The following RLBP1 variants were observed in gnomAD, a reference collection of about 807,000 sequenced individuals.
RLBP1 encodes the protein retinaldehyde binding protein 1.
A neutral mutation model predicts 36.2 loss-of-function variants in RLBP1; 26 were observed. The observed-to-expected ratio is 0.72, with a 90% CI of 0.53 to 1.00. The LOEUF (loss-of-function observed/expected upper bound fraction) is 1.00. Among genes scored for constraint, RLBP1 ranks in the 50% least tolerant of loss-of-function variants. The pLI is 0.00. For missense variants in RLBP1, 410 were observed against 402.4 expected (o/e 1.02, Z -0.16); for synonymous variants, 155 against 156.2 (o/e 0.99, Z 0.06).
chr15:89,210,090 T>A lies in RLBP1; in HGVS notation c.*195A>T. ...AAATATAACTATCCCCAGTTCTTCT[T>A]GTTCAAGGGAATTCCCCCTCCTTTA... On this transcript the variant is annotated 3_prime_UTR_variant, in exon 9 of 9. Transcript: ENST00000268125. This position sits in a 1 kb window ranked among gnomAD's most constrained non-coding sequence, Gnocchi z 4.7. 1 of 623,918 alleles carries A rather than the reference T, an allele frequency of 1.6e-6. No homozygotes were observed. The highest frequency in any genetic ancestry group is 1.9e-5 in the South Asian group (1 of 53,412). The allele number at this position is 623,918 out of a possible 1,614,324, so 38.6% of individuals were successfully genotyped here. A position where few individuals can be genotyped will look rare whatever the true frequency, so the allele number is the denominator to read the frequency against.
chr15:89,211,505 G>T lies in RLBP1; in HGVS notation c.684+238C>A, dbSNP rs989065182. On this transcript the variant is annotated intron_variant, in intron 7 of 8. Transcript: ENST00000268125. The surrounding 1 kb of genome is among the most constrained non-coding windows in gnomAD (Gnocchi z 5.8). ...GCCTTCGTTTCCAGGTTTGAAAAAT[G>T]AAGCAGGGAAGGAGGGAGAGAATGC... is the stretch of plus-strand genomic sequence containing the variant. Among the ~76,000 whole-genome samples, 4 of 152,224 alleles carry T rather than the reference G, an allele frequency of 2.6e-5. No homozygotes were observed. The highest frequency in any genetic ancestry group is 5.9e-5 in the Non-Finnish European group (4 of 68,050).
At chr15:89,220,414 C>T (rs1452488314) in intron 1 of RLBP1, among the ~76,000 whole-genome samples, 1 of 152,182 alleles carries the variant, frequency 6.6e-6, no homozygotes, top group Admixed American at 6.5e-5. Flanking sequence ...GCACAGTGTC[C>T]TGTTCTAAAG....
intron 6 of RLBP1, among the ~76,000 whole-genome samples, 161 bp from the exon 7 acceptor site, chr15:89,212,062 A>G (rs1010266186): frequency 8.5e-5 from 13 of 152,206 alleles, no homozygotes; most frequent in Admixed American, 6.5e-5. Flanking sequence ...CAAGAAAACA[A>G]GTTCAAATGT....
chr15:89,214,364 G>C lies in RLBP1; in HGVS notation c.525+696C>G, dbSNP rs1181323067. 6.6e-6 allele frequency among the ~76,000 whole-genome samples: 1 copy of C among 152,198 alleles called. No homozygotes were observed. Among genetic ancestry groups the C allele is most frequent in the Non-Finnish European group, 1.5e-5 (1 of 68,040 alleles). Reference sequence around the variant, plus strand: ...TAATCCCAGCTACTTGGAAGGCTGAGGCTTGAGGATCGCTCGAACCCAGGA... The same window carrying C: ...TAATCCCAGCTACTTGGAAGGCTGACGCTTGAGGATCGCTCGAACCCAGGA... On this transcript the variant is annotated intron_variant, in intron 6 of 8. Transcript: ENST00000268125. The surrounding 1 kb of genome is among the most constrained non-coding windows in gnomAD (Gnocchi z 4.6).
At position 89,217,134 on chromosome 15, in the gene RLBP1, T is replaced by C. The variant is rs1022631788; in HGVS notation, c.332A>G (p.Tyr111Cys). 4 of 1,613,996 alleles carry C rather than the reference T, an allele frequency of 2.5e-6. No homozygotes were observed. Among genetic ancestry groups the C allele is most frequent in the Non-Finnish European group, 3.4e-6 (4 of 1,179,968 alleles). ...RARKFNVGRA[Y>C]ELLRGYVNFR... ...ACTGGCCTCACCTCTGAGCAGCTCA[T>C]AGGCACGGCCCACGTTGAACTTCCG... The change falls in exon 5 of 9, where the codon TAT becomes TGT. Residue 111 changes from tyrosine (Y) to cysteine (C), a missense_variant. By Grantham distance (194) the Tyr-to-Cys change is radical. Coordinates refer to ENST00000268125, the MANE Select transcript of RLBP1 (RefSeq NM_000326.5).
At chr15:89,216,461 T>TA (rs1252139345) in intron 5 of RLBP1, among the ~76,000 whole-genome samples, 2 of 152,244 alleles carry the variant, frequency 1.3e-5, no homozygotes, top group Admixed American at 1.3e-4. Context: ...TAGCTGAGAT[T>TA]ACAGGCATGC....
chr15:89,210,919 A>G lies in RLBP1; in HGVS notation c.685-110T>C, dbSNP rs2051532818. ...GCATAGAACAGACTTGTCCAGCATC[A>G]CAGGGCTGCCCTGGAGAAGGGCCCA... On this transcript the variant is annotated intron_variant, in intron 7 of 8. Transcript: ENST00000268125. This position sits in a 1 kb window ranked among gnomAD's most constrained non-coding sequence, Gnocchi z 4.7. 2.4e-5 allele frequency: 18 copies of G among 747,764 alleles called. No homozygotes were observed. In the South Asian group the frequency reaches 2.8e-4, roughly 12 times the overall value. 46.3% of individuals were successfully genotyped at this position (747,764 alleles called of 1,614,324 possible).
chr15:89,219,147 A>T, intron 2 of RLBP1, 72 bp from the exon 3 acceptor site: 1 of 765,484 alleles, frequency 1.3e-6, no homozygotes, highest in South Asian at 1.5e-5. Context: ...TTGCATCAGA[A>T]TCACCCGAGG....
At position 89,215,191 on chromosome 15, in the gene RLBP1, A is replaced by T. The variant is rs776373854; in HGVS notation, c.394T>A (p.Ser132Thr). 2 of 1,614,186 alleles carry T rather than the reference A, an allele frequency of 1.2e-6. No homozygotes were observed. Among genetic ancestry groups the T allele is most frequent in the South Asian group, 2.2e-5 (2 of 91,082 alleles). ...ATGGTGCAGCGGACAGCCTCTGGGG[A>T]CAGGCTGTCAAAGAGCTCAGGGTAC... Reference protein sequence around the residue: ...LQYPELFDSLSPEAVRCTIEA... With the variant: ...LQYPELFDSLTPEAVRCTIEA... The change falls in exon 6 of 9, where the codon TCC (serine) becomes ACC (threonine). Residue 132 changes from serine to threonine, a missense_variant. Transcript: ENST00000268125.
intron 6 of RLBP1, among the ~76,000 whole-genome samples, chr15:89,212,909 A>G (rs2051550636): frequency 6.6e-6 from 1 of 151,812 alleles, no homozygotes; most frequent in African/African-American, 2.4e-5. Flanking sequence ...TTGTATTTTT[A>G]GTAGAGACAG....
At position 89,217,293 on chromosome 15, in the gene RLBP1, G is replaced by A; in HGVS notation, c.173C>T (p.Thr58Ile). Residue 58 changes from threonine to isoleucine, a missense_variant, in exon 5 of 9, where the codon ACC becomes ATC. Transcript: ENST00000268125. ...AKDELNEREE[T>I]REEAVRELQE... ...CAGCTCTCGCACTGCCTCCTCCCGG[G>A]TCTCCTCTCTCTCGTTCAGCTCATC... The A allele has an allele frequency of 6.2e-7, 1 of 1,608,018 alleles. No individual in the cohort carries two copies. The highest frequency in any genetic ancestry group is 8.5e-7 in the Non-Finnish European group (1 of 1,179,994).
intron 6 of RLBP1, among the ~76,000 whole-genome samples, chr15:89,212,309 C>T (rs1481244486): frequency 1.3e-5 from 2 of 152,040 alleles, no homozygotes; most frequent in African/African-American, 4.8e-5. Flanking sequence ...GGGCTGGGTG[C>T]GGTGGCTCAC....
At chr15:89,216,120 G>C (rs8023705) in intron 5 of RLBP1, among the ~76,000 whole-genome samples, 16,404 of 152,046 alleles carry the variant, frequency 0.11, 1,180 homozygotes, top group South Asian at 0.23. Context: ...GTTCCACCAG[G>C]GCAGGGAACT....
chr15:89,217,009 C>T (rs1171062373), intron 5 of RLBP1, 111 bp downstream of exon 5: 12 of 1,149,996 alleles, frequency 1.0e-5, no homozygotes, highest in Admixed American at 1.9e-5. Flanking sequence ...CTCAGAGAAA[C>T]TGACTTGCCC....
At chr15:89,215,473 A>G (rs780426628) in intron 5 of RLBP1, among the ~76,000 whole-genome samples, 19 of 152,228 alleles carry the variant, frequency 1.2e-4, no homozygotes, top group Non-Finnish European at 1.3e-4. Context: ...TGGCAATCAA[A>G]TGAGATTCAA....
intron 5 of RLBP1, among the ~76,000 whole-genome samples, chr15:89,215,795 G>T (rs1567123348): frequency 6.6e-6 from 1 of 152,160 alleles, no homozygotes. Flanking sequence ...GAGGACCTGG[G>T]CACCTCTGCC....
chr15:89,215,053 C>T lies in RLBP1; in HGVS notation c.525+7G>A. ...ACAGGGTGGGAGCCAGGCGAGCCCCCACTAACCTCATCAAAGGTGATTTCT... is the reference window on the plus strand; with the variant it reads ...ACAGGGTGGGAGCCAGGCGAGCCCCTACTAACCTCATCAAAGGTGATTTCT... On this transcript the variant is annotated splice_region_variant and intron_variant, in intron 6 of 8. Transcript: ENST00000268125. 2 of 1,614,160 alleles carry T rather than the reference C, an allele frequency of 1.2e-6. No individual in the cohort carries two copies. The highest frequency in any genetic ancestry group is 1.1e-5 in the South Asian group (1 of 91,088).
chr15:89,210,638 C>T lies in RLBP1; in HGVS notation c.795+61G>A. 5.2e-6 allele frequency: 7 copies of T among 1,335,216 alleles called. No homozygotes were observed. Among genetic ancestry groups the T allele is most frequent in the Non-Finnish European group, 7.4e-6 (7 of 947,630 alleles). 82.7% of individuals were successfully genotyped at this position (1,335,216 alleles called of 1,614,324 possible). A position where few individuals can be genotyped will look rare whatever the true frequency, so the allele number is the denominator to read the frequency against. ...GGACCATGGTAGAGTGTGAGGAGGG[C>T]TCAGGTGAGGCCCCACCCTCAGCCC... On this transcript the variant is annotated intron_variant, in intron 8 of 8. Transcript: ENST00000268125. The surrounding 1 kb of genome is among the most constrained non-coding windows in gnomAD (Gnocchi z 4.7).
chr15:89,216,031 C>G (rs2051576917), intron 5 of RLBP1, among the ~76,000 whole-genome samples: 1 of 152,196 alleles, frequency 6.6e-6, no homozygotes, highest in Admixed American at 6.5e-5. Context: ...TAATTTCTTT[C>G]CTTATTCCTT....
Sources: allele counts gnomAD v4.1 joint callset (sites outside exome capture counted in the v4.1 genomes callset), GRCh38; gene constraint gnomAD v4.1.1; non-coding constraint Gnocchi (gnomAD v3.1); transcripts MANE v1.5; gene names NCBI Gene and HGNC (gene_info 2026-07-23, HGNC 2026-07-21).